The following DMBX1 variants were observed in gnomAD, a reference collection of about 807,000 sequenced individuals.
DMBX1 encodes diencephalon/mesencephalon homeobox 1.
A neutral mutation model predicts 30.4 loss-of-function variants in DMBX1; 7 were observed. The observed-to-expected ratio is 0.23, with a 90% CI of 0.13 to 0.43. The LOEUF (loss-of-function observed/expected upper bound fraction) is 0.43. Ranked by LOEUF, DMBX1 falls within the 20% of genes least tolerant of loss-of-function variation. The pLI is 1.00. For synonymous variants in DMBX1, 222 were observed against 214.2 expected, an observed-to-expected ratio of 1.04 and a Z score of -0.32; for missense variants, 460 against 508.5, an observed-to-expected ratio of 0.90 and a Z score of 0.92.
In DMBX1 at chr1:46,498,731, C is replaced by T. The variant is rs543907657; in HGVS notation, c.-13+7948C>T. Among the ~76,000 whole-genome samples the T allele has an allele frequency of 2.0e-5, 3 of 152,286 alleles. No homozygotes were observed. The East Asian group carries it at 5.8e-4, about 29-fold the overall frequency. ...ATGCATATACAATCATGTGGCCGAT[C>T]CCAGTTGGGTTGTGTACACACATGG... On this transcript the variant is annotated intron_variant, in intron 2 of 5. Transcript: ENST00000360032.
rs1340936683 is a variant in DMBX1, at chr1:46,512,600, A to G, written c.*106A>G. On this transcript the variant is annotated 3_prime_UTR_variant, in exon 6 of 6. Transcript: ENST00000360032. The surrounding 1 kb of genome is among the most constrained non-coding windows in gnomAD (Gnocchi z 4.8). ...TTAACTCCATGAGCCCAGGGATCCT[A>G]GGGCCTGGGGTCCTGTTCCCTGCTC... 1 of 1,287,634 alleles carries G rather than the reference A, an allele frequency of 7.8e-7. No homozygotes were observed. 79.8% of individuals were successfully genotyped at this position (1,287,634 alleles called of 1,614,324 possible). A position where few individuals can be genotyped will look rare whatever the true frequency, so the allele number is the denominator to read the frequency against.
In DMBX1 at chr1:46,511,066, C is replaced by T. The variant is rs776705033; in HGVS notation, c.465C>T (p.Thr155=). ...AGGCCGAGGCCCCCACTCCAGATAC[C>T]CAGCTGGACACTGAGCAGCCCCCAC... ...EGKAEAPTPD[T]QLDTEQPPRL... is the part of the protein sequence containing the mutation. Residue 155 remains threonine (T), a synonymous_variant, in exon 5 of 6, where the codon ACC becomes ACT. Coordinates refer to ENST00000360032, the MANE Select transcript of DMBX1 (RefSeq NM_172225.2). 3.7e-6 allele frequency: 6 copies of T among 1,614,108 alleles called. No homozygotes were observed. In the East Asian group the frequency reaches 1.1e-4, roughly 30 times the overall value.
intron 2 of DMBX1, among the ~76,000 whole-genome samples, chr1:46,502,653 A>G (rs11801669): frequency 0.027 from 4,050 of 152,214 alleles, 171 homozygotes; most frequent in African/African-American, 0.092. Flanking sequence ...TTGGGAGGCC[A>G]AGGCAGGAGG....
Position 46,511,046 on chromosome 1 carries a change from G to A in DMBX1, c.445G>A (p.Glu149Lys), listed in dbSNP as rs754589174. Residue 149 changes from glutamate (E) to lysine (K), a missense_variant, in exon 5 of 6, where the codon GAG (glutamate) becomes AAG (lysine). Around this residue, in one of 3 missense-constraint regions of DMBX1, gnomAD observed 334 missense variants for 345.1 expected, o/e 0.97. Coordinates refer to ENST00000360032, the MANE Select transcript of DMBX1 (RefSeq NM_172225.2). ...AEGSHGEGKA[E>K]APTPDTQLDT... ...GGGCTCCCATGGGGAAGGCAAGGCCGAGGCCCCCACTCCAGATACCCAGCT... is the reference window on the plus strand; with the variant it reads ...GGGCTCCCATGGGGAAGGCAAGGCCAAGGCCCCCACTCCAGATACCCAGCT... 6.2e-6 allele frequency: 10 copies of A among 1,613,966 alleles called. No homozygotes were observed. Among genetic ancestry groups the A allele is most frequent in the East Asian group, 2.2e-5 (1 of 44,888 alleles).
At chr1:46,508,224 A>G (rs1666278431) in intron 3 of DMBX1, among the ~76,000 whole-genome samples, 1 of 152,148 alleles carries the variant, frequency 6.6e-6, no homozygotes, top group Non-Finnish European at 1.5e-5. Context: ...ACAGGTGCCC[A>G]TGACCCATGA....
rs757763211 is a variant in DMBX1, at chr1:46,511,039, C to T, written c.438C>T (p.Gly146=). 6.2e-7 allele frequency: 1 copy of T among 1,614,126 alleles called. No homozygotes were observed. The change falls in exon 5 of 6, where the codon GGC becomes GGT. Residue 146 remains glycine (G), a synonymous_variant. Coordinates refer to ENST00000360032, the MANE Select transcript of DMBX1 (RefSeq NM_172225.2). ...QKEAEGSHGE[G]KAEAPTPDTQ... ...AGGCTGAGGGCTCCCATGGGGAAGG[C>T]AAGGCCGAGGCCCCCACTCCAGATA...
rs1666476594 is a variant in DMBX1 at position 46,515,661 on chromosome 1, A to G, written c.*3167A>G. 6.6e-6 allele frequency among the ~76,000 whole-genome samples: 1 copy of G among 152,212 alleles called. No homozygotes were observed. Among genetic ancestry groups the G allele is most frequent in the Non-Finnish European group, 1.5e-5 (1 of 68,042 alleles). On this transcript the variant is annotated 3_prime_UTR_variant, in exon 6 of 6. Transcript: ENST00000360032. ...CTGTGTCTCCTCCAAGCACACTGGT[A>G]AGCGGCACCGTGCATCTCCTCTGAG...
chr1:46,498,886 T>G (rs115408382), intron 2 of DMBX1, among the ~76,000 whole-genome samples: 1,787 of 152,230 alleles, frequency 0.012, 26 homozygotes, highest in African/African-American at 0.039. Flanking sequence ...GGGGCCTTGA[T>G]GTCCAGCTGT....
Position 46,491,808 on chromosome 1 carries a change from G to T in DMBX1, c.-13+1025G>T, listed in dbSNP as rs142687572. On this transcript the variant is annotated intron_variant, in intron 2 of 5. Transcript: ENST00000360032. This position sits in a 1 kb window ranked among gnomAD's most constrained non-coding sequence, Gnocchi z 5.5. ...CCTGGTTCTCCCCTCGAATGGAAAG[G>T]CACTCTGGCCTAAGGACGAATGAAT... 2.0e-4 allele frequency among the ~76,000 whole-genome samples: 30 copies of T among 152,288 alleles called. No individual in the cohort carries two copies. The East Asian group carries it at 5.8e-3, about 29-fold the overall frequency.
chr1:46,496,161 G>C (rs191048552), intron 2 of DMBX1, among the ~76,000 whole-genome samples: 2 of 152,146 alleles, frequency 1.3e-5, no homozygotes, highest in African/African-American at 4.8e-5. Flanking sequence ...AGGGTTCAGC[G>C]TAACCCAGGA....
At position 46,493,396 on chromosome 1, in the gene DMBX1, C is replaced by T. The variant is rs1004132970; in HGVS notation, c.-13+2613C>T. Among the ~76,000 whole-genome samples, 10 of 152,346 alleles carry T rather than the reference C, an allele frequency of 6.6e-5. No homozygotes were observed. The highest frequency in any genetic ancestry group is 9.6e-5 in the African/African-American group (4 of 41,590). On this transcript the variant is annotated intron_variant, in intron 2 of 5. Transcript: ENST00000360032. The surrounding 1 kb of genome is among the most constrained non-coding windows in gnomAD (Gnocchi z 4.1). ...GCTCTCCAATGTCCAGCCCTCCCGC[C>T]GTTCAGTGGCCTCTCTTTCTATTTA...
At chr1:46,494,218 C>A (rs1249565784) in intron 2 of DMBX1, among the ~76,000 whole-genome samples, 1 of 152,254 alleles carries the variant, frequency 6.6e-6, no homozygotes, top group African/African-American at 2.4e-5. Context: ...CTCTCAAAAG[C>A]TGATGGATGC....
rs1232475967 is a variant in DMBX1, at chr1:46,511,174, G to A, written c.573G>A (p.Gln191=). The A allele has an allele frequency of 1.9e-6, 3 of 1,613,846 alleles. No homozygotes were observed. Among genetic ancestry groups the A allele is most frequent in the East Asian group, 2.2e-5 (1 of 44,882 alleles). ...QSASESAPED[Q]PDREEDPRAG... Reference sequence around the variant, plus strand: ...CCAGTGAGTCAGCCCCCGAGGATCAGCCGGACCGTGAGGAGGACCCCAGGG... The same window carrying A: ...CCAGTGAGTCAGCCCCCGAGGATCAACCGGACCGTGAGGAGGACCCCAGGG... Residue 191 remains glutamine, a synonymous_variant, in exon 5 of 6, where the codon CAG becomes CAA. Coordinates refer to ENST00000360032, the MANE Select transcript of DMBX1 (RefSeq NM_172225.2).
chr1:46,496,558 AG>A (rs1666027616), intron 2 of DMBX1, among the ~76,000 whole-genome samples: 1 of 152,224 alleles, frequency 6.6e-6, no homozygotes. Context: ...CCAGGGACAA[AG>A]CTTCTTTTAA....
chr1:46,495,833 A>T (rs987610591), intron 2 of DMBX1, among the ~76,000 whole-genome samples: 32 of 152,196 alleles, frequency 2.1e-4, no homozygotes, highest in Non-Finnish European at 3.2e-4. Context: ...GAGGGACAAC[A>T]TTCCCGGAGT....
In DMBX1 at chr1:46,511,245, G is replaced by A; in HGVS notation, c.644G>A (p.Ser215Asn). ...GCTGAGAAGAGCCCTGGGGCTGACA[G>A]CAAGGGGCTGGGCTGCAAGAGGGGC... ...PKAEKSPGAD[S>N]KGLGCKRGSP... The change falls in exon 5 of 6, where the codon AGC becomes AAC. Residue 215 changes from serine to asparagine, a missense_variant. Physicochemically the swap from Ser to Asn is conservative, Grantham distance 46. Around this residue, in one of 3 missense-constraint regions of DMBX1, gnomAD observed 334 missense variants for 345.1 expected, o/e 0.97. Transcript: ENST00000360032. 6.2e-7 allele frequency: 1 copy of A among 1,607,468 alleles called. No individual in the cohort carries two copies. Among genetic ancestry groups the A allele is most frequent in the South Asian group, 1.1e-5 (1 of 90,162 alleles).
chr1:46,492,151 C>T lies in DMBX1; in HGVS notation c.-13+1368C>T, dbSNP rs187915648. Among the ~76,000 whole-genome samples, 9 of 152,308 alleles carry T rather than the reference C, an allele frequency of 5.9e-5. No individual in the cohort carries two copies. In the East Asian group the frequency reaches 1.7e-3, roughly 29 times the overall value. On this transcript the variant is annotated intron_variant, in intron 2 of 5. Coordinates refer to ENST00000360032, the MANE Select transcript of DMBX1 (RefSeq NM_172225.2). ...AGGTGCAGAGGAGTGGAAACCCGCC[C>T]CAGGCGAAGGCCATGGCGAAGGACA...
rs1666414863 is a variant in DMBX1, at chr1:46,512,976, A to C, written c.*482A>C. ...GCAGCCTCCGCGGCTCACTCCAGCCATCCCTTCTGTTTCTCCTTCTCTCTC... is the reference window on the plus strand; with the variant it reads ...GCAGCCTCCGCGGCTCACTCCAGCCCTCCCTTCTGTTTCTCCTTCTCTCTC... On this transcript the variant is annotated 3_prime_UTR_variant, in exon 6 of 6. Transcript: ENST00000360032. This position sits in a 1 kb window ranked among gnomAD's most constrained non-coding sequence, Gnocchi z 4.8. The C allele has an allele frequency of 1.3e-5, 2 of 151,292 alleles. No individual in the cohort carries two copies. Among genetic ancestry groups the C allele is most frequent in the African/African-American group, 2.5e-5 (1 of 39,390 alleles). 9.4% of individuals were successfully genotyped at this position (151,292 alleles called of 1,614,324 possible).
Position 46,514,972 on chromosome 1 carries a change from G to A in DMBX1, c.*2478G>A, listed in dbSNP as rs58630143. Among the ~76,000 whole-genome samples the A allele has an allele frequency of 1.3e-3, 202 of 152,260 alleles. No homozygotes were observed. Among genetic ancestry groups the A allele is most frequent in the African/African-American group, 4.6e-3 (192 of 41,550 alleles). On this transcript the variant is annotated 3_prime_UTR_variant, in exon 6 of 6. Coordinates refer to ENST00000360032, the MANE Select transcript of DMBX1 (RefSeq NM_172225.2). ...ATGGGAAGGGGGTGGCTGGCTTCAC[G>A]AGAGGTGGGGCTAAGGGGCCTGGAA...
Sources: allele counts gnomAD v4.1 joint callset (sites outside exome capture counted in the v4.1 genomes callset), GRCh38; gene constraint gnomAD v4.1.1; regional missense constraint gnomAD v4.1.1; non-coding constraint Gnocchi (gnomAD v3.1); transcripts MANE v1.5; gene names NCBI Gene and HGNC (gene_info 2026-07-23, HGNC 2026-07-21).